The following CCSER1 variants were observed in gnomAD, a reference collection of about 807,000 sequenced individuals.
The protein encoded by CCSER1 is serine-rich coiled-coil domain-containing protein 1.
Under a neutral mutation model 82.0 loss-of-function variants are expected in CCSER1, and 41 were observed. The ratio of observed to expected loss-of-function variants is 0.50; its 90% CI spans 0.39 to 0.65. The LOEUF is 0.65. Among genes scored for constraint, CCSER1 ranks in the 30% least tolerant of loss-of-function variants. CCSER1 has a pLI of 0.00. For missense variants in CCSER1, 1,119 were observed against 1,064.2 expected (o/e 1.05, Z -0.72); for synonymous variants, 414 against 383.9 (o/e 1.08, Z -0.92).
intron 5 of CCSER1, among the ~76,000 whole-genome samples, chr4:90,542,867 C>A (rs577497762): frequency 2.2e-4 from 34 of 152,084 alleles, no homozygotes; most frequent in African/African-American, 8.2e-4. Context: ...AGCTCTTTTT[C>A]CCTTTCATTT....
intron 10 of CCSER1, among the ~76,000 whole-genome samples, chr4:91,474,868 T>C (rs959852152): frequency 6.0e-5 from 9 of 149,556 alleles, no homozygotes; most frequent in Non-Finnish European, 1.3e-4. Flanking sequence ...GGATAAAAAG[T>C]AGAATGTAAT....
chr4:91,504,201 A>C (rs2110099969), intron 10 of CCSER1, among the ~76,000 whole-genome samples: 1 of 152,310 alleles, frequency 6.6e-6, no homozygotes, highest in Non-Finnish European at 1.5e-5. Flanking sequence ...GCCTAGGATG[A>C]TACATGATTT....
intron 10 of CCSER1, among the ~76,000 whole-genome samples, chr4:91,522,208 C>T (rs186149368): frequency 1.0e-3 from 159 of 152,184 alleles, no homozygotes; most frequent in African/African-American, 3.2e-3. Flanking sequence ...GTGTTACTTC[C>T]GAGGACTCTG....
chr4:90,521,008 A>G (rs1446183564), intron 5 of CCSER1, among the ~76,000 whole-genome samples: 1 of 152,236 alleles, frequency 6.6e-6, no homozygotes, highest in Non-Finnish European at 1.5e-5. Flanking sequence ...TAGATGTAGC[A>G]TAATTACTTG....
At chr4:90,364,168 C>T (rs958881119) in intron 3 of CCSER1, among the ~76,000 whole-genome samples, 1 of 152,084 alleles carries the variant, frequency 6.6e-6, no homozygotes. Context: ...CATTTTTACC[C>T]TGAAATAGAC....
At chr4:91,096,945 C>G (rs755743196) in intron 10 of CCSER1, among the ~76,000 whole-genome samples, 1 of 152,138 alleles carries the variant, frequency 6.6e-6, no homozygotes, top group Admixed American at 6.6e-5. Context: ...AACAGAAGTG[C>G]CGACACAGGC....
At chr4:91,179,201 G>T (rs1052695967) in intron 10 of CCSER1, among the ~76,000 whole-genome samples, 18 of 152,138 alleles carry the variant, frequency 1.2e-4, no homozygotes, top group Non-Finnish European at 2.4e-4. Context: ...CCCTTTGTGG[G>T]TAACCCAACC....
intron 10 of CCSER1, among the ~76,000 whole-genome samples, chr4:91,266,359 T>C (rs1165938151): frequency 2.0e-5 from 3 of 151,944 alleles, no homozygotes; most frequent in Non-Finnish European, 4.4e-5. Flanking sequence ...TTCACGCCAT[T>C]CTCCTGCCTC....
chr4:90,418,134 C>T (rs1472162058), intron 4 of CCSER1, among the ~76,000 whole-genome samples: 1 of 152,042 alleles, frequency 6.6e-6, no homozygotes, highest in African/African-American at 2.4e-5. Flanking sequence ...TCTTCTTCAT[C>T]TGAAAATGGG....
intron 9 of CCSER1, among the ~76,000 whole-genome samples, chr4:91,044,067 G>A (rs987714241): frequency 6.6e-6 from 1 of 152,132 alleles, no homozygotes; most frequent in Non-Finnish European, 1.5e-5. Flanking sequence ...GTTTACTAAA[G>A]AAACCACTAG....
intron 7 of CCSER1, among the ~76,000 whole-genome samples, chr4:90,759,379 A>C (rs944576675): frequency 6.6e-6 from 1 of 152,194 alleles, no homozygotes; most frequent in Admixed American, 6.5e-5. Context: ...AATAGGACAA[A>C]ATGCTACCTC....
intron 10 of CCSER1, among the ~76,000 whole-genome samples, chr4:91,347,358 A>G (rs1008373684): frequency 1.3e-5 from 2 of 152,100 alleles, no homozygotes; most frequent in Non-Finnish European, 2.9e-5. Flanking sequence ...TGTCTTGATT[A>G]CTGTAAATTT....
intron 9 of CCSER1, among the ~76,000 whole-genome samples, chr4:91,010,406 A>ACATTCAAAAAT (rs1561468586): frequency 1.5e-5 from 2 of 137,778 alleles, no homozygotes; most frequent in Admixed American, 7.1e-5. Context: ...TTTTTGGTTG[A>ACATTCAAAAAT]ATCTGTTTGG....
At chr4:90,207,979 G>T (rs1020220141) in intron 1 of CCSER1, among the ~76,000 whole-genome samples, 1 of 152,130 alleles carries the variant, frequency 6.6e-6, no homozygotes, top group Non-Finnish European at 1.5e-5. Flanking sequence ...TGGGGGTTGG[G>T]GACTCACTTT....
rs200459311 is a variant in CCSER1 at position 91,370,565 on chromosome 4, CA to C, written c.2218-228005del. Among the ~76,000 whole-genome samples the C allele has an allele frequency of 6.1e-3, 928 of 151,912 alleles. 14 individuals are homozygous for C. The highest frequency in any genetic ancestry group is 0.021 in the African/African-American group (869 of 41,446). On this transcript the variant is annotated intron_variant, in intron 10 of 10. Transcript: ENST00000509176. Reference sequence around the variant, plus strand: ...TGAAAATTAGCCAGGCGTGGTAGCACAACATCTATAGTCCCAGATACTCAGG... The same window carrying C: ...TGAAAATTAGCCAGGCGTGGTAGCACACATCTATAGTCCCAGATACTCAGG...
intron 8 of CCSER1, among the ~76,000 whole-genome samples, chr4:90,857,477 C>T (rs982160829): frequency 2.0e-5 from 3 of 152,020 alleles, no homozygotes; most frequent in African/African-American, 4.8e-5. Flanking sequence ...TATGACCTAA[C>T]CTCAGAAATG....
chr4:90,926,009 A>G (rs1320433608), intron 9 of CCSER1, among the ~76,000 whole-genome samples: 1 of 152,082 alleles, frequency 6.6e-6, no homozygotes, highest in Non-Finnish European at 1.5e-5. Flanking sequence ...AAACACTTTC[A>G]GTATCATAAA....
intron 10 of CCSER1, among the ~76,000 whole-genome samples, chr4:91,368,308 G>T (rs969989605): frequency 6.6e-6 from 1 of 151,908 alleles, no homozygotes; most frequent in Non-Finnish European, 1.5e-5. Flanking sequence ...GCTCCATTTG[G>T]TCTATTCTGT....
intron 9 of CCSER1, among the ~76,000 whole-genome samples, chr4:90,977,535 TTATG>T (rs1281436886): frequency 6.6e-6 from 1 of 151,624 alleles, no homozygotes; most frequent in Non-Finnish European, 1.5e-5. Context: ...ATATTTGCAA[TTATG>T]TATGTATATA....
Sources: gnomAD v4.1 joint callset for allele counts (sites outside exome capture counted in the v4.1 genomes callset) on GRCh38, gnomAD v4.1.1 for gene constraint, MANE v1.5 for transcripts, NCBI Gene and HGNC (gene_info 2026-07-23, HGNC 2026-07-21) for gene names.